Variants in NTRK2 observed in about 807,000 individuals in gnomAD.
The protein encoded by NTRK2 is neurotrophic receptor tyrosine kinase 2.
A neutral mutation model predicts 94.5 loss-of-function variants in NTRK2; 13 were observed. The observed-to-expected ratio is 0.14, with a 90% CI of 0.09 to 0.22. NTRK2 has a LOEUF of 0.22. Ranked by LOEUF, NTRK2 falls within the 10% of genes least tolerant of loss-of-function variation. NTRK2 has a pLI of 1.00. For missense variants in NTRK2, 639 were observed against 1,071.2 expected (o/e 0.60, Z 5.63); for synonymous variants, 372 against 407.4 (o/e 0.91, Z 1.05).
At chr9:84,865,662 G>A (rs879837254) in intron 13 of NTRK2, among the ~76,000 whole-genome samples, 11 of 152,226 alleles carry the variant, frequency 7.2e-5, no homozygotes, top group East Asian at 1.9e-4. Context: ...ATTTCCTTGC[G>A]TAGGAAGTAG....
chr9:84,840,660 AAC>A lies in NTRK2; in HGVS notation c.1397-20375_1397-20374del, dbSNP rs202122771. On this transcript the variant is annotated intron_variant, in intron 12 of 18. Coordinates refer to ENST00000277120, the MANE Select transcript of NTRK2 (RefSeq NM_006180.6). ...TTCCTCTATTCCTCATGTCTGAAAA[AAC>A]ACACTGCTCTTGACTTCCCATGCAC... 4.8e-3 allele frequency among the ~76,000 whole-genome samples: 734 copies of A among 152,160 alleles called. 15 individuals carry two copies. The highest frequency in any genetic ancestry group is 0.039 in the Admixed American group (591 of 15,286).
chr9:84,764,162 A>T (rs2065838168), intron 12 of NTRK2, among the ~76,000 whole-genome samples: 1 of 152,180 alleles, frequency 6.6e-6, no homozygotes, highest in Non-Finnish European at 1.5e-5. Context: ...TGGAAGTTGG[A>T]TCACCTTTTG....
chr9:84,882,765 CTTTT>C lies in NTRK2; in HGVS notation c.1633+15335_1633+15338del, dbSNP rs199901129. Among the ~76,000 whole-genome samples the C allele has an allele frequency of 4.7e-3, 707 of 151,688 alleles. 13 individuals are homozygous for C. Among genetic ancestry groups the C allele is most frequent in the Admixed American group, 0.038 (575 of 15,256 alleles). On this transcript the variant is annotated intron_variant, in intron 14 of 18. Transcript: ENST00000277120. ...GCATTATAATAACTAGAAATACTTT[CTTTT>C]ATTTATTTATTTTTCCGAGTCGGAG...
intron 17 of NTRK2, among the ~76,000 whole-genome samples, chr9:85,004,035 G>GAAAGAAAGAAAGAAAGAAAGAA (rs1564542151): frequency 1.4e-5 from 1 of 69,376 alleles, no homozygotes; most frequent in Non-Finnish European, 2.8e-5. Context: ...GAAAGAAAGA[G>GAAAGAAAGAAAGAAAGAAAGAA]AGAAAGAAAG....
chr9:84,813,012 G>GACC (rs1462382694), intron 12 of NTRK2: 30 of 1,035,694 alleles, frequency 2.9e-5, no homozygotes, highest in Non-Finnish European at 3.5e-5. Flanking sequence ...CTGTACTCTA[G>GACC]ACCACCCCTT....
At chr9:84,949,641 A>G (rs1207938495) in intron 16 of NTRK2, among the ~76,000 whole-genome samples, 1 of 151,980 alleles carries the variant, frequency 6.6e-6, no homozygotes, top group Non-Finnish European at 1.5e-5. Flanking sequence ...TAATTTTCAT[A>G]TTTTTGTAAA....
chr9:84,781,906 C>T (rs1406846571), intron 12 of NTRK2, among the ~76,000 whole-genome samples: 1 of 152,092 alleles, frequency 6.6e-6, no homozygotes, highest in Non-Finnish European at 1.5e-5. Context: ...CTAGTAAAGT[C>T]ATTTATATCA....
intron 12 of NTRK2, among the ~76,000 whole-genome samples, chr9:84,834,577 A>C (rs749372308): frequency 5.9e-5 from 9 of 152,116 alleles, no homozygotes; most frequent in Non-Finnish European, 8.8e-5. Context: ...TGTTCTAGTC[A>C]CTTTCCATTT....
At chr9:84,912,004 A>C (rs182292879) in intron 14 of NTRK2, among the ~76,000 whole-genome samples, 383 of 152,186 alleles carry the variant, frequency 2.5e-3, no homozygotes, top group African/African-American at 8.8e-3. Flanking sequence ...TTCCTATTTG[A>C]CCCAAGGATT....
chr9:84,894,639 A>G (rs1021564747), intron 14 of NTRK2, among the ~76,000 whole-genome samples: 9 of 152,248 alleles, frequency 5.9e-5, no homozygotes, highest in Non-Finnish European at 1.2e-4. Context: ...TAAAATTATT[A>G]TCCAAGCAAT....
rs79043758 is a variant in NTRK2, at chr9:84,702,333, T to C, written c.288-15T>C. 5.1e-3 allele frequency: 8,256 copies of C among 1,613,926 alleles called. 33 individuals carry two copies. Among genetic ancestry groups the C allele is most frequent in the Non-Finnish European group, 6.3e-3 (7,402 of 1,179,780 alleles). On this transcript the variant is annotated splice_polypyrimidine_tract_variant and intron_variant, in intron 3 of 18. Coordinates refer to ENST00000277120, the MANE Select transcript of NTRK2 (RefSeq NM_006180.6). ...TGGTTCGTTCTAATGTGCATGAAAT[T>C]ATGTGTTTTCACAGGACAATTGTGG...
chr9:84,994,712 A>G (rs1234237762), intron 17 of NTRK2, among the ~76,000 whole-genome samples: 3 of 152,222 alleles, frequency 2.0e-5, no homozygotes, highest in Non-Finnish European at 4.4e-5. Context: ...TGTTCTCTAA[A>G]TAAAAGATGA....
Position 84,870,343 on chromosome 9 carries a change from A to G in NTRK2, c.1633+2912A>G, listed in dbSNP as rs1425022801. Among the ~76,000 whole-genome samples, 450 of 109,624 alleles carry G rather than the reference A, an allele frequency of 4.1e-3. 17 individuals carry two copies. Among genetic ancestry groups the G allele is most frequent in the African/African-American group, 0.012 (388 of 31,276 alleles). 71.9% of individuals were successfully genotyped at this position (109,624 alleles called of 152,430 possible). On this transcript the variant is annotated intron_variant, in intron 14 of 18. Coordinates refer to ENST00000277120, the MANE Select transcript of NTRK2 (RefSeq NM_006180.6). ...GGGGTGTGTGTGTGTATATATATAT[A>G]TATATATATATATATATATATAAAA... is the stretch of plus-strand genomic sequence containing the variant.
intron 14 of NTRK2, among the ~76,000 whole-genome samples, chr9:84,907,951 C>A (rs1161335006): frequency 6.6e-6 from 1 of 152,108 alleles, no homozygotes; most frequent in Non-Finnish European, 1.5e-5. Flanking sequence ...AGGAGATGTC[C>A]CCTGAAGATG....
intron 17 of NTRK2, among the ~76,000 whole-genome samples, chr9:84,998,946 T>C (rs1428990895): frequency 6.6e-6 from 1 of 152,202 alleles, no homozygotes; most frequent in African/African-American, 2.4e-5. Context: ...AGCCTCTTCT[T>C]TGGAATCCCC....
intron 17 of NTRK2, among the ~76,000 whole-genome samples, chr9:84,959,250 A>G (rs543644493): frequency 6.6e-6 from 1 of 152,288 alleles, no homozygotes; most frequent in South Asian, 2.1e-4. Context: ...AATTCTTTCC[A>G]TCGCAGTAAT....
intron 14 of NTRK2, among the ~76,000 whole-genome samples, chr9:84,919,147 C>CT (rs1157484911): frequency 6.6e-6 from 1 of 152,130 alleles, no homozygotes; most frequent in Non-Finnish European, 1.5e-5. Context: ...TGCTATTTGC[C>CT]TTTTTTTAAG....
chr9:84,870,329 G>GTATATATATATATATA (rs1249656013), intron 14 of NTRK2, among the ~76,000 whole-genome samples: 4 of 20,552 alleles, frequency 1.9e-4, no homozygotes, highest in Non-Finnish European at 3.9e-4. Flanking sequence ...GGGTGTGTGT[G>GTATATATATATATATA]TGTATATATA....
intron 14 of NTRK2, among the ~76,000 whole-genome samples, chr9:84,896,343 C>T (rs2076757378): frequency 6.6e-6 from 1 of 152,152 alleles, no homozygotes; most frequent in South Asian, 2.1e-4. Context: ...ATCTTTGATG[C>T]CTGAAACACT....
Sources: gnomAD v4.1 joint callset for allele counts (sites outside exome capture counted in the v4.1 genomes callset) on GRCh38, gnomAD v4.1.1 for gene constraint, MANE v1.5 for transcripts, NCBI Gene and HGNC (gene_info 2026-07-23, HGNC 2026-07-21) for gene names.